GSG1L: variants seen among roughly 807,000 people sequenced by gnomAD.
GSG1L encodes GSG1 like.
GSG1L carries 24 observed loss-of-function variants against 42.1 expected under a neutral mutation model. That is an observed-to-expected ratio of 0.57 (90% CI 0.41 to 0.80). The LOEUF (loss-of-function observed/expected upper bound fraction) is 0.80. Among genes scored for constraint, GSG1L ranks in the 30% least tolerant of loss-of-function variants. GSG1L has a pLI of 0.00. For missense variants in GSG1L, 445 were observed against 472.2 expected, an observed-to-expected ratio of 0.94 and a Z score of 0.53; for synonymous variants, 215 against 203.5, an observed-to-expected ratio of 1.06 and a Z score of -0.48.
rs993205807 is a variant in GSG1L at position 28,049,766 on chromosome 16, C to G, written c.349+13310G>C. On this transcript the variant is annotated intron_variant, in intron 1 of 6. Transcript: ENST00000447459. ...ACTAACTTATTCTGCTTAGAATCCT[C>G]CCCTGTACTCCCCCAAGAACTCCAT... Among the ~76,000 whole-genome samples the G allele has an allele frequency of 1.5e-4, 23 of 152,096 alleles. 1 individual carries two copies. The highest frequency in any genetic ancestry group is 1.4e-3 in the Admixed American group (22 of 15,252).
intron 2 of GSG1L, among the ~76,000 whole-genome samples, chr16:27,903,641 C>T (rs191127752): frequency 1.3e-4 from 20 of 152,188 alleles, no homozygotes; most frequent in Admixed American, 1.0e-3. Flanking sequence ...CAGATGCCCC[C>T]CCTTGGGGCC....
intron 2 of GSG1L, among the ~76,000 whole-genome samples, chr16:27,926,883 C>T (rs1429040816): frequency 6.6e-6 from 1 of 152,174 alleles, no homozygotes; most frequent in Admixed American, 6.5e-5. Flanking sequence ...TTAATTATCT[C>T]AACAACCCTG....
At position 27,845,561 on chromosome 16, in the gene GSG1L, C is replaced by A. The variant is rs1377735417; in HGVS notation, c.551-500G>T. ...CATTTTCCCCCATCTAGTAAGAAGA[C>A]CCAGCTGTAGAGTGGGCTTTGGCTG... On this transcript the variant is annotated intron_variant, in intron 3 of 6. Transcript: ENST00000447459. Among the ~76,000 whole-genome samples the A allele has an allele frequency of 2.6e-5, 4 of 152,122 alleles. No individual in the cohort carries two copies. The East Asian group carries it at 7.7e-4, about 29-fold the overall frequency.
At chr16:27,918,759 C>CTT (rs1195259282) in intron 2 of GSG1L, among the ~76,000 whole-genome samples, 1 of 152,090 alleles carries the variant, frequency 6.6e-6, no homozygotes, top group Non-Finnish European at 1.5e-5. Flanking sequence ...CAGGAAGAAT[C>CTT]TTTGTAAAAT....
chr16:27,948,584 G>C lies in GSG1L; in HGVS notation c.397+14572C>G, dbSNP rs528933340. Among the ~76,000 whole-genome samples, 3 of 149,328 alleles carry C rather than the reference G, an allele frequency of 2.0e-5. No individual in the cohort carries two copies. In the East Asian group the frequency reaches 6.0e-4, roughly 30 times the overall value. ...AGACGTGATTCCACCATGTTGGCCA[G>C]GCTGGTCTTGAACTTCTTCTTCTTC... is the stretch of plus-strand genomic sequence containing the variant. On this transcript the variant is annotated intron_variant, in intron 2 of 6. Transcript: ENST00000447459.
chr16:27,980,842 C>T lies in GSG1L; in HGVS notation c.350-17639G>A, dbSNP rs553145278. Among the ~76,000 whole-genome samples the T allele has an allele frequency of 4.0e-5, 6 of 149,142 alleles. No individual in the cohort carries two copies. The South Asian group carries it at 1.3e-3, about 32-fold the overall frequency. On this transcript the variant is annotated intron_variant, in intron 1 of 6. Transcript: ENST00000447459. ...GGTTGCAGTGAGCTGAGATCACGCA[C>T]TGCACTCTAGCCTGGGCAATAGAGT...
chr16:27,813,830 G>A (rs1311202773), intron 5 of GSG1L, among the ~76,000 whole-genome samples: 1 of 152,214 alleles, frequency 6.6e-6, no homozygotes, highest in Non-Finnish European at 1.5e-5. Context: ...CTTGGGCCCT[G>A]GAGTGAGGAG....
At chr16:27,799,544 CA>C (rs1283591364) in intron 6 of GSG1L, among the ~76,000 whole-genome samples, 1 of 151,914 alleles carries the variant, frequency 6.6e-6, no homozygotes, top group Non-Finnish European at 1.5e-5. Context: ...AACCTTATCT[CA>C]AAAAACAAAA....
At chr16:27,795,843 G>A (rs961655019) in intron 6 of GSG1L, among the ~76,000 whole-genome samples, 2 of 151,988 alleles carry the variant, frequency 1.3e-5, no homozygotes, top group Non-Finnish European at 2.9e-5. Context: ...CCCATCTCCC[G>A]CCTCCCTCAG....
intron 2 of GSG1L, among the ~76,000 whole-genome samples, chr16:27,955,919 AGG>A (rs1464332924): frequency 1.4e-5 from 2 of 141,184 alleles, no homozygotes; most frequent in African/African-American, 6.2e-5. Flanking sequence ...GAAGGAAGGA[AGG>A]AAGGAAAGAA....
At chr16:27,980,106 A>T (rs2085309706) in intron 1 of GSG1L, among the ~76,000 whole-genome samples, 1 of 152,190 alleles carries the variant, frequency 6.6e-6, no homozygotes, top group East Asian at 1.9e-4. Flanking sequence ...GGTGGGGGGA[A>T]CCTGGCAGGG....
At chr16:28,016,208 T>G (rs2085778483) in intron 1 of GSG1L, among the ~76,000 whole-genome samples, 1 of 152,136 alleles carries the variant, frequency 6.6e-6, no homozygotes, top group Non-Finnish European at 1.5e-5. Flanking sequence ...AGGCTGGTCT[T>G]GAACTCCTGA....
intron 4 of GSG1L, among the ~76,000 whole-genome samples, chr16:27,834,741 G>T (rs1349807733): frequency 2.0e-5 from 3 of 151,892 alleles, no homozygotes; most frequent in South Asian, 2.1e-4. Flanking sequence ...CTGTATTTTT[G>T]ATGTCCTCAA....
At chr16:27,807,575 A>G (rs759825867) in intron 5 of GSG1L, 21 bp from the exon 6 acceptor site, 23 of 1,604,408 alleles carry the variant, frequency 1.4e-5, no homozygotes, top group Non-Finnish European at 2.0e-5. Flanking sequence ...AAAAAAACAA[A>G]AACAAAATCC....
intron 4 of GSG1L, among the ~76,000 whole-genome samples, chr16:27,843,369 A>T (rs2083408960): frequency 6.6e-6 from 1 of 152,124 alleles, no homozygotes; most frequent in Non-Finnish European, 1.5e-5. Flanking sequence ...CACATACTTA[A>T]GCTAAGCCAA....
At chr16:27,851,769 G>A (rs1239001231) in intron 3 of GSG1L, among the ~76,000 whole-genome samples, 1 of 152,228 alleles carries the variant, frequency 6.6e-6, no homozygotes, top group Non-Finnish European at 1.5e-5. Context: ...TTGGCCTGGT[G>A]ACACCTGTCA....
intron 2 of GSG1L, among the ~76,000 whole-genome samples, chr16:27,911,945 T>C (rs1029358094): frequency 5.3e-5 from 8 of 152,284 alleles, no homozygotes; most frequent in Admixed American, 4.6e-4. Context: ...GGTTTTTGTC[T>C]CCTATATGCC....
intron 5 of GSG1L, among the ~76,000 whole-genome samples, chr16:27,828,343 A>T (rs183291741): frequency 8.1e-4 from 124 of 152,312 alleles, no homozygotes; most frequent in Non-Finnish European, 1.6e-3. Context: ...CTGGACCCTG[A>T]AGACTTGGGT....
chr16:27,980,145 G>A (rs914315288), intron 1 of GSG1L, among the ~76,000 whole-genome samples: 1 of 152,226 alleles, frequency 6.6e-6, no homozygotes, highest in Non-Finnish European at 1.5e-5. Context: ...GGGGTGGCCA[G>A]AGGCAGATGC....
Sources: gnomAD v4.1 joint callset for allele counts (sites outside exome capture counted in the v4.1 genomes callset) on GRCh38, gnomAD v4.1.1 for gene constraint, MANE v1.5 for transcripts, NCBI Gene and HGNC (gene_info 2026-07-23, HGNC 2026-07-21) for gene names.